ANOS1: variants seen among roughly 807,000 people sequenced by gnomAD.
The protein encoded by ANOS1 is anosmin-1.
In ANOS1, 6 loss-of-function variants were observed where a neutral mutation model predicts 59.0. The observed-to-expected ratio is 0.10, with a 90% CI of 0.06 to 0.20. ANOS1 has a LOEUF of 0.20. Ranked by LOEUF, ANOS1 falls within the 10% of genes least tolerant of loss-of-function variation. The pLI, the probability that ANOS1 is intolerant of heterozygous loss-of-function variation, is 1.00. For synonymous variants in ANOS1, 217 were observed against 223.4 expected, an observed-to-expected ratio of 0.97 and a Z score of 0.25; for missense variants, 433 against 542.3, an observed-to-expected ratio of 0.80 and a Z score of 2.00.
chrX:8,612,568 T>TA (rs1931079841), intron 3 of ANOS1, among the ~76,000 whole-genome samples: 1 of 106,471 alleles, frequency 9.4e-6, no homozygotes, highest in African/African-American at 3.4e-5. Context: ...TTTTTTTTTT[T>TA]AAAGAAGCAC....
chrX:8,672,147 CAT>C (rs1384339051), intron 2 of ANOS1, among the ~76,000 whole-genome samples: 3 of 108,163 alleles, frequency 2.8e-5, no homozygotes, highest in African/African-American at 1.1e-4. Context: ...ACTGGCTTTA[CAT>C]ATACACACAT....
chrX:8,617,970 G>T (rs1290591295), intron 3 of ANOS1, among the ~76,000 whole-genome samples: 1 of 111,092 alleles, frequency 9.0e-6, no homozygotes, highest in Non-Finnish European at 1.9e-5. Context: ...AATAGGTTTA[G>T]AAGGGAAACC....
intron 7 of ANOS1, 125 bp downstream of exon 7, chrX:8,570,374 T>C (rs1930206885): frequency 1.7e-6 from 1 of 601,590 alleles, no homozygotes; most frequent in African/African-American, 2.2e-5. Flanking sequence ...TAGAAATGAA[T>C]GGGAGGGAAG....
At chrX:8,654,962 T>C (rs1931907936) in intron 2 of ANOS1, among the ~76,000 whole-genome samples, 1 of 112,256 alleles carries the variant, frequency 8.9e-6, no homozygotes, top group African/African-American at 3.2e-5. Context: ...CCAGATTATC[T>C]ATGGCTGCTT....
chrX:8,675,944 T>A (rs894423448), intron 2 of ANOS1, among the ~76,000 whole-genome samples: 3 of 99,552 alleles, frequency 3.0e-5, no homozygotes, highest in Non-Finnish European at 6.0e-5. Context: ...CACTTATGAC[T>A]GAGAATATGA....
intron 3 of ANOS1, among the ~76,000 whole-genome samples, chrX:8,618,473 G>A (rs1931214528): frequency 8.9e-6 from 1 of 111,917 alleles, no homozygotes; most frequent in African/African-American, 3.2e-5. Flanking sequence ...GTCAAAGATG[G>A]CAGCTGTTTT....
intron 2 of ANOS1, among the ~76,000 whole-genome samples, chrX:8,682,604 C>T (rs1469116477): frequency 1.8e-5 from 2 of 111,163 alleles, no homozygotes; most frequent in African/African-American, 6.6e-5. Context: ...CACATAGCCC[C>T]TAAGTAGAGA....
chrX:8,671,456 T>C (rs770053328), intron 2 of ANOS1, among the ~76,000 whole-genome samples: 37 of 111,061 alleles, frequency 3.3e-4, no homozygotes, highest in African/African-American at 1.2e-3. Flanking sequence ...AGACCTTCTG[T>C]GTTTAGTGTA....
chrX:8,671,765 GCTTT>G (rs2146880811), intron 2 of ANOS1, among the ~76,000 whole-genome samples: 1 of 109,382 alleles, frequency 9.1e-6, no homozygotes, highest in East Asian at 2.8e-4. Flanking sequence ...GAATTAATTT[GCTTT>G]CTTTTTTAAC....
At chrX:8,702,453 A>C (rs1339103875) in intron 1 of ANOS1, among the ~76,000 whole-genome samples, 1 of 111,717 alleles carries the variant, frequency 9.0e-6, no homozygotes, top group Non-Finnish European at 1.9e-5. Context: ...GACAACTGCA[A>C]AAAGCAGGGG....
rs182417824 is a variant in ANOS1 at position 8,708,954 on chromosome X, T to C, written c.208-9209A>G. On this transcript the variant is annotated intron_variant, in intron 1 of 13. Coordinates refer to ENST00000262648, the MANE Select transcript of ANOS1 (RefSeq NM_000216.4). ...AGCCATAAAAAAGGATGAGTTCATG[T>C]CCTCTGCAGGGACATGGATGAAGCT... Among the ~76,000 whole-genome samples the C allele has an allele frequency of 1.7e-4, 19 of 111,563 alleles. No individual in the cohort carries two copies. The East Asian group carries it at 3.7e-3, about 22-fold the overall frequency.
intron 2 of ANOS1, among the ~76,000 whole-genome samples, chrX:8,685,379 C>G (rs1313885723): frequency 2.8e-5 from 3 of 107,965 alleles, no homozygotes; most frequent in African/African-American, 1.0e-4. Flanking sequence ...TAACTTAAGG[C>G]AGAGAGAAAG....
intron 9 of ANOS1, among the ~76,000 whole-genome samples, chrX:8,551,617 A>C (rs976817679): frequency 9.1e-6 from 1 of 110,136 alleles, no homozygotes. Context: ...AAAAAAAAAA[A>C]CCCACTAAGA....
chrX:8,595,973 C>T (rs1203288728), intron 4 of ANOS1, among the ~76,000 whole-genome samples: 3 of 111,225 alleles, frequency 2.7e-5, no homozygotes, highest in South Asian at 7.7e-4. Flanking sequence ...GTGAATTACA[C>T]GTGAGGGATC....
chrX:8,693,398 A>G (rs1049178902), intron 2 of ANOS1, among the ~76,000 whole-genome samples: 21 of 111,713 alleles, frequency 1.9e-4, no homozygotes, highest in Non-Finnish European at 3.9e-4. Context: ...CAGTCCTAGG[A>G]TCCATGTGTC....
At chrX:8,702,525 A>G (rs1932762120) in intron 1 of ANOS1, among the ~76,000 whole-genome samples, 1 of 111,880 alleles carries the variant, frequency 8.9e-6, no homozygotes, top group South Asian at 3.7e-4. Flanking sequence ...AACTTCCTAC[A>G]TGACAGCCAG....
rs1194069979 is a variant in ANOS1, at chrX:8,586,491, G to GTACT, written c.727-1099_727-1096dup. Among the ~76,000 whole-genome samples the GTACT allele has an allele frequency of 4.5e-5, 5 of 112,042 alleles. No homozygotes were observed. In the Admixed American group the frequency reaches 4.8e-4, roughly 11 times the overall value. ...TCCACAGCGTTTAGCAGAGAAGGAA[G>GTACT]TACTACATGTAGCACTAACAGTAAA... On this transcript the variant is annotated intron_variant, in intron 5 of 13. Coordinates refer to ENST00000262648, the MANE Select transcript of ANOS1 (RefSeq NM_000216.4).
At chrX:8,626,809 C>T (rs1403689344) in intron 2 of ANOS1, among the ~76,000 whole-genome samples, 11 of 101,615 alleles carry the variant, frequency 1.1e-4, no homozygotes, top group Non-Finnish European at 2.0e-4. Flanking sequence ...TGCAGTGAGC[C>T]GAGATCACAC....
chrX:8,551,521 C>T (rs746877832), intron 9 of ANOS1, among the ~76,000 whole-genome samples: 8 of 108,596 alleles, frequency 7.4e-5, no homozygotes, highest in African/African-American at 2.4e-4. Flanking sequence ...CACCTTTAAT[C>T]GCAGCTACTC....
Sources: allele counts gnomAD v4.1 joint callset (sites outside exome capture counted in the v4.1 genomes callset), GRCh38; gene constraint gnomAD v4.1.1; transcripts MANE v1.5; gene names NCBI Gene and HGNC (gene_info 2026-07-23, HGNC 2026-07-21).